Variants in BNC2 observed in about 807,000 individuals in gnomAD.
BNC2 encodes basonuclin zinc finger protein 2.
Under a neutral mutation model 76.3 loss-of-function variants are expected in BNC2, and 20 were observed. The ratio of observed to expected loss-of-function variants is 0.26; its 90% CI spans 0.18 to 0.38. BNC2 has a LOEUF of 0.38. Among genes scored for constraint, BNC2 ranks in the 10% least tolerant of loss-of-function variants. BNC2 has a pLI of 1.00. For missense variants in BNC2, 1,382 were observed against 1,399.8 expected (o/e 0.99, Z 0.20); for synonymous variants, 582 against 514.8 (o/e 1.13, Z -1.77).
chr9:16,441,097 G>A (rs1384009187), intron 5 of BNC2, among the ~76,000 whole-genome samples: 1 of 152,126 alleles, frequency 6.6e-6, no homozygotes, highest in East Asian at 1.9e-4. Context: ...AGGCCAAGGT[G>A]GAAGATGGCT....
At chr9:16,671,685 C>CA (rs1822482167) in intron 3 of BNC2, among the ~76,000 whole-genome samples, 1 of 152,134 alleles carries the variant, frequency 6.6e-6, no homozygotes, top group East Asian at 1.9e-4. Context: ...CTCTGGTTGG[C>CA]AAGTAAAGGA....
At chr9:16,833,346 A>C (rs1818627950) in intron 1 of BNC2, among the ~76,000 whole-genome samples, 1 of 152,192 alleles carries the variant, frequency 6.6e-6, no homozygotes, top group African/African-American at 2.4e-5. Context: ...CAGGATCGTC[A>C]AAAAGTAAAG....
chr9:16,613,528 A>G (rs532625724), intron 3 of BNC2, among the ~76,000 whole-genome samples: 1 of 152,330 alleles, frequency 6.6e-6, no homozygotes, highest in African/African-American at 2.4e-5. Flanking sequence ...GGTATTTATA[A>G]CAAACGCCAA....
chr9:16,811,568 A>G (rs1586903248), intron 1 of BNC2, among the ~76,000 whole-genome samples: 1 of 151,624 alleles, frequency 6.6e-6, no homozygotes, highest in African/African-American at 2.4e-5. Context: ...AAAAAAAAAA[A>G]AAAAAAACAG....
intron 3 of BNC2, among the ~76,000 whole-genome samples, chr9:16,615,092 C>T (rs1820663210): frequency 6.6e-6 from 1 of 150,994 alleles, no homozygotes; most frequent in Admixed American, 6.6e-5. Flanking sequence ...TACTGCTAAG[C>T]ACAAGGAACA....
intron 3 of BNC2, among the ~76,000 whole-genome samples, chr9:16,659,732 T>C (rs1478983116): frequency 6.6e-6 from 1 of 152,194 alleles, no homozygotes; most frequent in African/African-American, 2.4e-5. Context: ...TATTCAGTTC[T>C]CTGCTCAACT....
intron 1 of BNC2, among the ~76,000 whole-genome samples, chr9:16,790,756 G>C (rs1817482420): frequency 6.7e-6 from 1 of 148,992 alleles, no homozygotes; most frequent in South Asian, 2.1e-4. Flanking sequence ...TTCACTAAGT[G>C]CTCCTAGCTA....
intron 1 of BNC2, among the ~76,000 whole-genome samples, chr9:16,820,395 C>T (rs553001445): frequency 6.6e-6 from 1 of 151,720 alleles, no homozygotes; most frequent in East Asian, 1.9e-4. Flanking sequence ...CATTGCGCTC[C>T]AGCCTGGGCA....
Position 16,419,200 on chromosome 9 carries a change from C to G in BNC2, c.3089G>C (p.Gly1030Ala), listed in dbSNP as rs372397169. The change falls in exon 7 of 7, where the codon GGG (glycine) becomes GCG (alanine). Residue 1030 changes from glycine to alanine, a missense_variant. Around this residue, in one of 3 missense-constraint regions of BNC2, gnomAD observed 798 missense variants for 775.5 expected, o/e 1.03. Transcript: ENST00000380672. ...GTTGCACATGATCCCACCATTGCTCCCAGACAAGCTGCTGAACATAAGAGA... is the reference window on the plus strand; with the variant it reads ...GTTGCACATGATCCCACCATTGCTCGCAGACAAGCTGCTGAACATAAGAGA... The part of the protein sequence containing the change: ...SGSLMFSSLS[G>A]SNGGIMCNIC... 4.1e-5 allele frequency: 66 copies of G among 1,614,084 alleles called. No homozygotes were observed. Among genetic ancestry groups the G allele is most frequent in the Non-Finnish European group, 5.3e-5 (62 of 1,180,052 alleles).
At chr9:16,676,356 A>C (rs1694358598) in intron 3 of BNC2, among the ~76,000 whole-genome samples, 2 of 152,216 alleles carry the variant, frequency 1.3e-5, no homozygotes, top group Admixed American at 1.3e-4. Flanking sequence ...CACACACCCA[A>C]ACACAAACGC....
At chr9:16,657,652 G>A (rs564353924) in intron 3 of BNC2, among the ~76,000 whole-genome samples, 5 of 152,260 alleles carry the variant, frequency 3.3e-5, no homozygotes, top group Non-Finnish European at 5.9e-5. Flanking sequence ...GGCTTATCGT[G>A]TATTAATAAT....
chr9:16,444,574 G>C (rs1374994911), intron 5 of BNC2, among the ~76,000 whole-genome samples: 2 of 152,034 alleles, frequency 1.3e-5, no homozygotes, highest in Non-Finnish European at 2.9e-5. Context: ...CATTATCTCA[G>C]GTAATATGAA....
At chr9:16,548,111 G>T (rs897921934) in intron 5 of BNC2, among the ~76,000 whole-genome samples, 6 of 152,178 alleles carry the variant, frequency 3.9e-5, no homozygotes, top group African/African-American at 1.4e-4. Context: ...TGTCTCAACT[G>T]CTTCTCTGAA....
Position 16,758,337 on chromosome 9 carries a change from C to T in BNC2, c.4-19852G>A, listed in dbSNP as rs140163162. ...TTAACATTAGCCGCGTTTGCAAAGTCCCTTGTCTTTCCTTTTTTTTTAGAT... is the reference window on the plus strand; with the variant it reads ...TTAACATTAGCCGCGTTTGCAAAGTTCCTTGTCTTTCCTTTTTTTTTAGAT... On this transcript the variant is annotated intron_variant, in intron 1 of 6. Transcript: ENST00000380672. Among the ~76,000 whole-genome samples, 663 of 94,682 alleles carry T rather than the reference C, an allele frequency of 7.0e-3. 4 individuals carry two copies. Among genetic ancestry groups the T allele is most frequent in the Non-Finnish European group, 0.01 (417 of 40,532 alleles). The allele number at this position is 94,682 out of a possible 152,430, so 62.1% of individuals were successfully genotyped here.
intron 3 of BNC2, among the ~76,000 whole-genome samples, chr9:16,723,560 T>C (rs898779486): frequency 2.0e-5 from 3 of 152,076 alleles, no homozygotes; most frequent in African/African-American, 7.2e-5. Flanking sequence ...CTGAGATTGT[T>C]GGCCTATATG....
At chr9:16,691,938 G>A (rs1587320933) in intron 3 of BNC2, among the ~76,000 whole-genome samples, 1 of 151,830 alleles carries the variant, frequency 6.6e-6, no homozygotes, top group African/African-American at 2.4e-5. Context: ...ATTCTCCCGA[G>A]TAGCTGGGAT....
intron 3 of BNC2, among the ~76,000 whole-genome samples, chr9:16,628,684 CTA>C (rs1356632721): frequency 4.6e-5 from 7 of 152,074 alleles, no homozygotes; most frequent in African/African-American, 1.7e-4. Flanking sequence ...CAAAAAAGTT[CTA>C]TGATTTTAAA....
chr9:16,698,651 G>A lies in BNC2; in HGVS notation c.330+29146C>T, dbSNP rs189622135. ...AGAGGTTGCGGTGAGCCAAGATGGC[G>A]CCACCGCACTCCAGCCTGGGCAACA... On this transcript the variant is annotated intron_variant, in intron 3 of 6. Transcript: ENST00000380672. Among the ~76,000 whole-genome samples the A allele has an allele frequency of 4.0e-4, 61 of 151,858 alleles. 1 individual carries two copies. The East Asian group carries it at 0.011, about 26-fold the overall frequency.
intron 3 of BNC2, among the ~76,000 whole-genome samples, chr9:16,616,560 C>T (rs753284840): frequency 6.6e-6 from 1 of 151,356 alleles, no homozygotes; most frequent in Non-Finnish European, 1.5e-5. Flanking sequence ...ATTAGCCAGC[C>T]CCATGGTCTC....
Sources: gnomAD v4.1 joint callset for allele counts (sites outside exome capture counted in the v4.1 genomes callset) on GRCh38, gnomAD v4.1.1 for gene constraint, gnomAD v4.1.1 regional missense constraint, MANE v1.5 for transcripts, NCBI Gene and HGNC (gene_info 2026-07-23, HGNC 2026-07-21) for gene names.